The following POMGNT1 variants were observed in gnomAD, a reference collection of about 807,000 sequenced individuals.
POMGNT1 encodes the protein protein O-linked-mannose beta-1,2-N-acetylglucosaminyltransferase 1.
POMGNT1 carries 67 observed loss-of-function variants against 95.6 expected under a neutral mutation model. The observed-to-expected ratio is 0.70, with a 90% CI of 0.58 to 0.86. POMGNT1 has a LOEUF of 0.86. POMGNT1 is among the 40% of genes least tolerant of loss of function. The pLI, the probability that POMGNT1 is intolerant of heterozygous loss-of-function variation, is 0.00. For synonymous variants in POMGNT1, 298 were observed against 317.9 expected, an observed-to-expected ratio of 0.94 and a Z score of 0.66; for missense variants, 719 against 855.2, an observed-to-expected ratio of 0.84 and a Z score of 1.99.
rs778115320 is a variant in POMGNT1, at chr1:46,189,320, C to G, written c.1933G>C (p.Glu645Gln). 77 of 1,613,660 alleles carry G rather than the reference C, an allele frequency of 4.8e-5. No homozygotes were observed. The highest frequency in any genetic ancestry group is 6.3e-5 in the Non-Finnish European group (74 of 1,180,004). ...KPPSVTPIFL[E>Q]PPPKEEGAPG... is the part of the protein sequence containing the mutation. ...GCTCCCTCCTCCTTTGGGGGTGGCT[C>G]CAGGAAAATTGGGGTGACTGAGGGT... is the stretch of plus-strand genomic sequence containing the variant. Residue 645 changes from glutamate (E) to glutamine (Q), a missense_variant, in exon 22 of 22, where the codon GAG (glutamate) becomes CAG (glutamine). Around this residue, in one of 5 missense-constraint regions of POMGNT1, gnomAD observed 130 missense variants for 149.2 expected, o/e 0.87. Transcript: ENST00000371984.
chr1:46,190,366 G>A, intron 19 of POMGNT1, 107 bp downstream of exon 19: 1 of 1,399,594 alleles, frequency 7.1e-7, no homozygotes, highest in Non-Finnish European at 1.0e-6. Flanking sequence ...TGTTTGAGAT[G>A]AGGGCCCTGA....
chr1:46,197,135 G>C (rs746855579), intron 2 of POMGNT1, 51 bp from the exon 3 acceptor site: 3 of 1,613,286 alleles, frequency 1.9e-6, no homozygotes, highest in Non-Finnish European at 1.7e-6. Context: ...TCAGATCCTA[G>C]AGGGTCTTTC....
intron 1 of POMGNT1, among the ~76,000 whole-genome samples, chr1:46,205,537 T>A (rs1440149579): frequency 6.6e-6 from 1 of 152,216 alleles, no homozygotes; most frequent in African/African-American, 2.4e-5. Context: ...GATTCTGAAC[T>A]CACATAGGGA....
chr1:46,197,017 C>T lies in POMGNT1; in HGVS notation c.188G>A (p.Arg63Gln), dbSNP rs141421141. The change falls in exon 3 of 22, where the codon CGA (arginine) becomes CAA (glutamine). Residue 63 changes from arginine to glutamine, a missense_variant. Arg to Gln is a conservative substitution (Grantham distance 43). Around this residue, in one of 5 missense-constraint regions of POMGNT1, gnomAD observed 466 missense variants for 517.4 expected, o/e 0.90. Transcript: ENST00000371984. ...GTCTTCATTGGCTTCACTGATGGCT[C>T]GCCGAGTGTCCAGGATCAACTTGAT... The part of the protein sequence containing the change: ...VNIKLILDTR[R>Q]AISEANEDPE... 9.9e-6 allele frequency: 16 copies of T among 1,614,170 alleles called. No homozygotes were observed. Among genetic ancestry groups the T allele is most frequent in the Middle Eastern group, 1.6e-4 (1 of 6,062 alleles).
At chr1:46,202,920 G>GGTGGTGTGT (rs1553164825), upstream of POMGNT1, among the ~76,000 whole-genome samples, 116 of 64,518 alleles carry the variant, frequency 1.8e-3, 9 homozygotes, top group Non-Finnish European at 2.7e-3. Flanking sequence ...GGGGGGGGGT[G>GGTGGTGTGT]GTGTGTGTGT....
intron 1 of POMGNT1, among the ~76,000 whole-genome samples, chr1:46,213,310 A>G (rs541491896): frequency 6.5e-4 from 83 of 127,958 alleles, no homozygotes; most frequent in African/African-American, 2.1e-3. Flanking sequence ...TCAAGTAGGG[A>G]TTGATATTCA....
At position 46,189,135 on chromosome 1, in the gene POMGNT1, A is replaced by T; in HGVS notation, c.*135T>A. On this transcript the variant is annotated 3_prime_UTR_variant, in exon 22 of 22. Transcript: ENST00000371984. The stretch of plus-strand genomic sequence containing the variant: ...GCAGGGGAACCCTCCCCTTGGAGTT[A>T]GTAATTAAGTCTCATGTTAAAAACA... 2 of 1,491,356 alleles carry T rather than the reference A, an allele frequency of 1.3e-6. No homozygotes were observed. Among genetic ancestry groups the T allele is most frequent in the Non-Finnish European group, 1.8e-6 (2 of 1,121,200 alleles). 92.4% of individuals were successfully genotyped at this position (1,491,356 alleles called of 1,614,324 possible).
Position 46,189,119 on chromosome 1 carries a change from C to T in POMGNT1, c.*151G>A. On this transcript the variant is annotated 3_prime_UTR_variant, in exon 22 of 22. Transcript: ENST00000371984. ...GGAACGGGGTGTTGGAGCAGGGGAA[C>T]CCTCCCCTTGGAGTTAGTAATTAAG... The T allele has an allele frequency of 6.7e-7, 1 of 1,493,142 alleles. No homozygotes were observed. Among genetic ancestry groups the T allele is most frequent in the Non-Finnish European group, 8.9e-7 (1 of 1,123,744 alleles). The allele number at this position is 1,493,142 out of a possible 1,614,324, so 92.5% of individuals were successfully genotyped here.
intron 1 of POMGNT1, among the ~76,000 whole-genome samples, chr1:46,208,956 A>G (rs1658808385): frequency 6.6e-6 from 1 of 152,244 alleles, no homozygotes; most frequent in African/African-American, 2.4e-5. Flanking sequence ...CAGAAGGAAG[A>G]GTGGTAACTA....
chr1:46,198,621 G>A (rs371106133), upstream of POMGNT1, among the ~76,000 whole-genome samples: 1 of 152,188 alleles, frequency 6.6e-6, no homozygotes, highest in South Asian at 2.1e-4. Flanking sequence ...TCGCAGCCCG[G>A]CTGGCTGGTG....
At chr1:46,203,447 C>G in intron 1 of POMGNT1, 3 of 1,488,804 alleles carry the variant, frequency 2.0e-6, no homozygotes, top group Non-Finnish European at 2.7e-6. Context: ...CCGTGGAGTC[C>G]CAGACGCCTG....
rs1557673462 is a variant in POMGNT1, at chr1:46,193,396, A to G, written c.1027-8T>C. The G allele has an allele frequency of 6.2e-7, 1 of 1,610,704 alleles. No homozygotes were observed. Among genetic ancestry groups the G allele is most frequent in the Admixed American group, 1.7e-5 (1 of 59,310 alleles). On this transcript the variant is annotated splice_region_variant and splice_polypyrimidine_tract_variant and intron_variant, in intron 11 of 21. Coordinates refer to ENST00000371984, the MANE Select transcript of POMGNT1 (RefSeq NM_017739.4). Reference sequence around the variant, plus strand: ...CACCACATCCATGGGTTCCTGGGGGACATGGCCACTGCTCACCATGTGAGG... The same window carrying G: ...CACCACATCCATGGGTTCCTGGGGGGCATGGCCACTGCTCACCATGTGAGG...
rs907393810 is a variant in POMGNT1 at position 46,190,031 on chromosome 1, C to T, written c.1650-42G>A. Reference sequence around the variant, plus strand: ...GAGAATATAGCCAAGACAGGGCCCACTTCATGGGTGTGTCCCACAGGACCC... The same window carrying T: ...GAGAATATAGCCAAGACAGGGCCCATTTCATGGGTGTGTCCCACAGGACCC... On this transcript the variant is annotated intron_variant, in intron 19 of 21. Coordinates refer to ENST00000371984, the MANE Select transcript of POMGNT1 (RefSeq NM_017739.4). 8.1e-6 allele frequency: 13 copies of T among 1,610,166 alleles called. No individual in the cohort carries two copies. The African/African-American group carries it at 1.7e-4, about 22-fold the overall frequency.
chr1:46,190,889 C>A, intron 17 of POMGNT1, 105 bp from the exon 18 acceptor site: 1 of 1,049,546 alleles, frequency 9.5e-7, no homozygotes, highest in East Asian at 2.4e-5. Context: ...AGTCCTAGAC[C>A]TGTAAAGAGC....
chr1:46,197,814 T>C lies in POMGNT1; in HGVS notation c.8A>G (p.Asp3Gly), dbSNP rs780052489. 3.7e-6 allele frequency: 6 copies of C among 1,614,108 alleles called. No individual in the cohort carries two copies. In the South Asian group the frequency reaches 6.6e-5, roughly 18 times the overall value. The change falls in exon 2 of 22, where the codon GAC becomes GGC. Residue 3 changes from aspartate to glycine, a missense_variant. Transcript: ENST00000371984. The part of the protein sequence containing the change: MD[D>G]WKPSPLIKPF... ...CTTGATGAGGGGGCTGGGCTTCCAG[T>C]CGTCCATACCGGATTGGCGGGTCAC...
upstream of POMGNT1, among the ~76,000 whole-genome samples, chr1:46,202,696 CAAAAAAA>C (rs768113273): frequency 0.028 from 891 of 32,174 alleles, 7 homozygotes; most frequent in Non-Finnish European, 0.037. Flanking sequence ...GACTCTGTCT[CAAAAAAA>C]AAAAAAAAAA....
chr1:46,209,549 CTTTT>C (rs397745964), intron 1 of POMGNT1, among the ~76,000 whole-genome samples: 1 of 127,548 alleles, frequency 7.8e-6, no homozygotes. Context: ...TTTTTTTTTT[CTTTT>C]TTTTTTTTTG....
chr1:46,203,617 T>C, intron 1 of POMGNT1: 1 of 1,601,254 alleles, frequency 6.2e-7, no homozygotes, highest in Non-Finnish European at 8.5e-7. Flanking sequence ...GCGCTGAAGA[T>C]GGAGCTGGTG....
chr1:46,209,251 C>T (rs575142517), intron 1 of POMGNT1, among the ~76,000 whole-genome samples: 7 of 151,816 alleles, frequency 4.6e-5, no homozygotes, highest in East Asian at 2.0e-4. Context: ...CTCGAACTCC[C>T]GAACTCAGGT....
Sources: gnomAD v4.1 joint callset for allele counts (sites outside exome capture counted in the v4.1 genomes callset) on GRCh38, gnomAD v4.1.1 for gene constraint, gnomAD v4.1.1 regional missense constraint, MANE v1.5 for transcripts, NCBI Gene and HGNC (gene_info 2026-07-23, HGNC 2026-07-21) for gene names.